Variants in TEK observed in about 807,000 individuals in gnomAD.
TEK encodes the protein TEK receptor tyrosine kinase.
A neutral mutation model predicts 131.8 loss-of-function variants in TEK; 43 were observed. The ratio of observed to expected loss-of-function variants is 0.33; its 90% confidence interval spans 0.26 to 0.42. TEK has a LOEUF of 0.42. TEK is among the 10% of genes least tolerant of loss of function. The pLI is 1.00. For missense variants in TEK, 1,162 were observed against 1,384.4 expected (o/e 0.84, Z 2.55); for synonymous variants, 580 against 491.6 (o/e 1.18, Z -2.38).
intron 18 of TEK, among the ~76,000 whole-genome samples, chr9:27,216,356 C>A (rs7034283): frequency 0.017 from 2,609 of 151,906 alleles, 81 homozygotes; most frequent in African/African-American, 0.06. Flanking sequence ...ACAGAAGTGA[C>A]GAGATCCAAA....
At chr9:27,140,569 C>G (rs1030212860) in intron 1 of TEK, among the ~76,000 whole-genome samples, 1 of 151,904 alleles carries the variant, frequency 6.6e-6, no homozygotes, top group Non-Finnish European at 1.5e-5. Context: ...AACCTCGACT[C>G]CTATAGAATG....
intron 2 of TEK, among the ~76,000 whole-genome samples, chr9:27,160,974 AG>A (rs1209622858): frequency 6.6e-6 from 1 of 152,246 alleles, no homozygotes; most frequent in African/African-American, 2.4e-5. Context: ...CACATTCTAA[AG>A]GAAGATGATC....
intron 1 of TEK, among the ~76,000 whole-genome samples, chr9:27,137,907 A>G (rs1822548149): frequency 6.6e-6 from 1 of 152,130 alleles, no homozygotes; most frequent in African/African-American, 2.4e-5. Context: ...GGTGAGTGTT[A>G]CAGTTCTTAA....
chr9:27,187,479 C>CA (rs1333738979), intron 9 of TEK, among the ~76,000 whole-genome samples: 2 of 152,082 alleles, frequency 1.3e-5, no homozygotes, highest in South Asian at 2.1e-4. Context: ...GTATTATGTT[C>CA]AAAAAAGACA....
At chr9:27,221,028 G>T (rs185284133) in intron 21 of TEK, among the ~76,000 whole-genome samples, 2 of 152,182 alleles carry the variant, frequency 1.3e-5, no homozygotes, top group Admixed American at 6.5e-5. Flanking sequence ...TGAAATTCTC[G>T]CTGCAAGCAC....
intron 1 of TEK, among the ~76,000 whole-genome samples, chr9:27,132,928 T>C (rs1204968992): frequency 3.3e-5 from 5 of 152,174 alleles, no homozygotes; most frequent in African/African-American, 1.2e-4. Context: ...GTTTAAACAT[T>C]TGGTAATTAT....
chr9:27,121,140 G>A (rs112444911), intron 1 of TEK, among the ~76,000 whole-genome samples: 3,548 of 152,062 alleles, frequency 0.023, 133 homozygotes, highest in African/African-American at 0.081. Context: ...TGACCAACAT[G>A]GCGAAACCCC....
intron 9 of TEK, among the ~76,000 whole-genome samples, chr9:27,189,145 T>C (rs539983761): frequency 4.6e-4 from 70 of 152,264 alleles, no homozygotes; most frequent in Non-Finnish European, 8.8e-4. Context: ...GAGTTATGCA[T>C]TTCTAAGAAG....
At chr9:27,118,917 G>A (rs1261304848) in intron 1 of TEK, among the ~76,000 whole-genome samples, 2 of 152,120 alleles carry the variant, frequency 1.3e-5, no homozygotes, top group Non-Finnish European at 2.9e-5. Context: ...TACCAACTTC[G>A]CTGACCACTT....
At chr9:27,175,172 G>A (rs1824117646) in intron 6 of TEK, among the ~76,000 whole-genome samples, 1 of 126,128 alleles carries the variant, frequency 7.9e-6, no homozygotes, top group Non-Finnish European at 1.6e-5. Flanking sequence ...AGAGTGTGAT[G>A]TTCCCCTTCC....
At chr9:27,158,169 G>T (rs1389447710) in intron 2 of TEK, 27 bp downstream of exon 2, 1 of 1,613,624 alleles carries the variant, frequency 6.2e-7, no homozygotes, top group Admixed American at 1.7e-5. Flanking sequence ...TTTTGGGCAG[G>T]TGAGGCCCAC....
intron 1 of TEK, among the ~76,000 whole-genome samples, chr9:27,152,549 T>G (rs1384758070): frequency 6.6e-6 from 1 of 151,794 alleles, no homozygotes; most frequent in East Asian, 1.9e-4. Context: ...ATGTTTTTAA[T>G]TAAGCAAAAT....
At chr9:27,160,556 T>C (rs1428858780) in intron 2 of TEK, among the ~76,000 whole-genome samples, 1 of 152,180 alleles carries the variant, frequency 6.6e-6, no homozygotes, top group Non-Finnish European at 1.5e-5. Flanking sequence ...GTGATGAGAA[T>C]CTGCTCGACC....
intron 1 of TEK, among the ~76,000 whole-genome samples, chr9:27,126,342 C>T (rs1334808): frequency 0.022 from 3,405 of 152,124 alleles, 38 homozygotes; most frequent in Non-Finnish European, 0.035. Context: ...GTGAAAATGG[C>T]AATAAAGAGC....
At chr9:27,211,697 T>C (rs1299915144) in intron 16 of TEK, among the ~76,000 whole-genome samples, 1 of 152,090 alleles carries the variant, frequency 6.6e-6, no homozygotes, top group Non-Finnish European at 1.5e-5. Context: ...CTCAAACTCC[T>C]GGGCTCAAGC....
In TEK at chr9:27,202,933, A is replaced by G. The variant is rs779589176; in HGVS notation, c.2023A>G (p.Lys675Glu). The change falls in exon 13 of 23, where the codon AAG (lysine) becomes GAG (glutamate). Residue 675 changes from lysine (K) to glutamate (E), a missense_variant. Physicochemically the swap from Lys to Glu is moderately conservative, Grantham distance 56. This residue lies in a region of TEK where 477 missense variants were observed against 471.0 expected (regional missense o/e 1.01). Coordinates refer to ENST00000380036, the MANE Select transcript of TEK (RefSeq NM_000459.5). ...TATTTCTTCTATTACTATCCGTTAC[A>G]AGGTTCAAGGCAAGAATGAAGACCA... ...YSISSITIRYKVQGKNEDQHV... is the reference protein window; with the variant it reads ...YSISSITIRYEVQGKNEDQHV... The G allele has an allele frequency of 6.2e-7, 1 of 1,614,050 alleles. No individual in the cohort carries two copies. The highest frequency in any genetic ancestry group is 1.1e-5 in the South Asian group (1 of 91,088).
chr9:27,187,021 T>C (rs534252921), intron 9 of TEK, among the ~76,000 whole-genome samples: 3 of 152,186 alleles, frequency 2.0e-5, no homozygotes, highest in Non-Finnish European at 1.5e-5. Context: ...GCATCTTGAA[T>C]GTTCTTGGAA....
intron 1 of TEK, among the ~76,000 whole-genome samples, chr9:27,134,404 C>T (rs1169636161): frequency 6.6e-6 from 1 of 152,180 alleles, no homozygotes; most frequent in African/African-American, 2.4e-5. Context: ...AAATTCGCCA[C>T]TCAAATCTCA....
chr9:27,228,082 G>C (rs1826409787), intron 21 of TEK, 124 bp from the exon 22 acceptor site: 1 of 707,414 alleles, frequency 1.4e-6, no homozygotes, highest in African/African-American at 1.8e-5. Context: ...CTTCCTAGGG[G>C]CTGTACTTTG....
Sources: gnomAD v4.1 joint callset for allele counts (sites outside exome capture counted in the v4.1 genomes callset) on GRCh38, gnomAD v4.1.1 for gene constraint, gnomAD v4.1.1 regional missense constraint, MANE v1.5 for transcripts, NCBI Gene and HGNC (gene_info 2026-07-23, HGNC 2026-07-21) for gene names.